The following RGS9 variants were observed in gnomAD, a reference collection of about 807,000 sequenced individuals.
RGS9 encodes the protein regulator of G protein signaling 9.
A neutral mutation model predicts 102.0 loss-of-function variants in RGS9; 78 were observed. That is an observed-to-expected ratio of 0.76 (90% CI 0.64 to 0.92). The LOEUF (loss-of-function observed/expected upper bound fraction) is 0.92, where lower values mean the gene tolerates loss of function less well. Ranked by LOEUF, RGS9 falls within the 40% of genes least tolerant of loss-of-function variation. RGS9 has a pLI of 0.00. For synonymous variants in RGS9, 353 were observed against 318.6 expected (o/e 1.11, Z -1.15); for missense variants, 833 against 866.1 (o/e 0.96, Z 0.48).
chr17:65,211,245 C>A (rs1050225548), intron 17 of RGS9, among the ~76,000 whole-genome samples: 1 of 152,170 alleles, frequency 6.6e-6, no homozygotes, highest in African/African-American at 2.4e-5. Context: ...TCTGAACTCC[C>A]CTGCTATGCC....
At chr17:65,201,914 CATT>C (rs1248411467) in intron 13 of RGS9, 76 bp from the exon 14 acceptor site, 1 of 966,180 alleles carries the variant, frequency 1.0e-6, no homozygotes, top group African/African-American at 1.6e-5. Flanking sequence ...CCGGTTGACT[CATT>C]TCTTTTATTT....
chr17:65,197,755 C>T (rs1479318480), intron 13 of RGS9, among the ~76,000 whole-genome samples: 2 of 151,540 alleles, frequency 1.3e-5, no homozygotes, highest in Non-Finnish European at 2.9e-5. Context: ...CTGCAACCTC[C>T]GCCTCCCTAG....
At chr17:65,226,403 G>A (rs554106841) in intron 18 of RGS9, among the ~76,000 whole-genome samples, 1 of 152,158 alleles carries the variant, frequency 6.6e-6, no homozygotes, top group Non-Finnish European at 1.5e-5. Context: ...TGTCGCTTAG[G>A]GGGAGAGGGA....
intron 17 of RGS9, among the ~76,000 whole-genome samples, chr17:65,214,679 G>C (rs978658467): frequency 1.3e-5 from 2 of 152,212 alleles, no homozygotes; most frequent in African/African-American, 4.8e-5. Context: ...CCAAGTAGGT[G>C]TCCTTATAAC....
At chr17:65,176,830 C>G (rs1035100179) in intron 8 of RGS9, among the ~76,000 whole-genome samples, 5 of 151,560 alleles carry the variant, frequency 3.3e-5, no homozygotes, top group African/African-American at 9.7e-5. Flanking sequence ...TTCATCCATG[C>G]ATCCATCCCT....
chr17:65,166,536 A>T (rs1033554007), intron 7 of RGS9, among the ~76,000 whole-genome samples: 1 of 152,258 alleles, frequency 6.6e-6, no homozygotes, highest in Admixed American at 6.5e-5. Context: ...ACATGAATGA[A>T]CGAATGAATG....
intron 8 of RGS9, 137 bp downstream of exon 8, chr17:65,168,418 G>C: frequency 1.4e-6 from 1 of 700,900 alleles, no homozygotes; most frequent in South Asian, 1.5e-5. Context: ...TCAGTGTTGG[G>C]TTAGCATCCA....
chr17:65,170,241 G>T (rs149793678), intron 8 of RGS9, among the ~76,000 whole-genome samples: 1,611 of 152,056 alleles, frequency 0.011, 35 homozygotes, highest in African/African-American at 0.036. Flanking sequence ...TTTTAGTAGA[G>T]ATGGGGTTTC....
At chr17:65,212,779 T>C (rs1272297058) in intron 17 of RGS9, among the ~76,000 whole-genome samples, 1 of 152,228 alleles carries the variant, frequency 6.6e-6, no homozygotes, top group African/African-American at 2.4e-5. Context: ...GGATATGCTT[T>C]GCTCATCTCT....
Position 65,180,200 on chromosome 17 carries a change from A to G in RGS9, c.654+2397A>G, listed in dbSNP as rs1367381447. 3.3e-5 allele frequency among the ~76,000 whole-genome samples: 5 copies of G among 152,056 alleles called. No homozygotes were observed. In the East Asian group the frequency reaches 9.7e-4, roughly 29 times the overall value. Reference sequence around the variant, plus strand: ...CCGGGTTAATCTGCCCTGAGAGAAGAGGGTTGCCAAGAGCATGAAGCATCT... The same window carrying G: ...CCGGGTTAATCTGCCCTGAGAGAAGGGGGTTGCCAAGAGCATGAAGCATCT... On this transcript the variant is annotated intron_variant, in intron 9 of 18. Transcript: ENST00000262406.
chr17:65,200,791 G>C (rs1360603437), intron 13 of RGS9, among the ~76,000 whole-genome samples: 1 of 152,014 alleles, frequency 6.6e-6, no homozygotes, highest in Admixed American at 6.6e-5. Context: ...AACTTGGGGG[G>C]ATTTGCAACA....
intron 2 of RGS9, among the ~76,000 whole-genome samples, chr17:65,157,122 A>G (rs1000836021): frequency 1.0e-4 from 14 of 135,924 alleles, no homozygotes; most frequent in African/African-American, 4.0e-4. Flanking sequence ...AATTATCCAG[A>G]CATAAGAACA....
intron 9 of RGS9, among the ~76,000 whole-genome samples, chr17:65,180,998 A>C (rs7211506): frequency 1.3e-5 from 2 of 152,152 alleles, no homozygotes; most frequent in South Asian, 4.1e-4. Flanking sequence ...TTATGGCTGC[A>C]TAGTATTCCA....
At chr17:65,174,744 A>G (rs76433418) in intron 8 of RGS9, among the ~76,000 whole-genome samples, 15 of 152,138 alleles carry the variant, frequency 9.9e-5, no homozygotes, top group African/African-American at 2.7e-4. Flanking sequence ...TTATAAAGAA[A>G]TACGCAAGAC....
chr17:65,158,187 A>G, intron 2 of RGS9, 108 bp from the exon 3 acceptor site: 4 of 1,009,538 alleles, frequency 4.0e-6, no homozygotes, highest in Non-Finnish European at 6.4e-6. Flanking sequence ...AGCGAAGAGG[A>G]ATGAAATCGC....
chr17:65,201,100 TACACACAC>T (rs113665578), intron 13 of RGS9, among the ~76,000 whole-genome samples: 1 of 148,640 alleles, frequency 6.7e-6, no homozygotes, highest in East Asian at 1.9e-4. Flanking sequence ...CTCCACGATT[TACACACAC>T]ACACACACAC....
Position 65,227,529 on chromosome 17 carries a change from T to C in RGS9, c.*122T>C. The C allele has an allele frequency of 7.4e-7, 1 of 1,354,600 alleles. No homozygotes were observed. Among genetic ancestry groups the C allele is most frequent in the East Asian group, 2.5e-5 (1 of 39,766 alleles). The allele number at this position is 1,354,600 out of a possible 1,614,324, so 83.9% of individuals were successfully genotyped here. On this transcript the variant is annotated 3_prime_UTR_variant, in exon 19 of 19. Transcript: ENST00000262406. ...GTGCATTTGGGTGACATTTGAAGAT[T>C]GGGGAGACAAGATGGGGTAGATTGT...
chr17:65,149,437 ACTGT>A (rs942406292), intron 1 of RGS9, among the ~76,000 whole-genome samples: 1 of 152,122 alleles, frequency 6.6e-6, no homozygotes, highest in African/African-American at 2.4e-5. Flanking sequence ...TTTTCATGTA[ACTGT>A]CTGCTCAACT....
At position 65,197,317 on chromosome 17, in the gene RGS9, T is replaced by TG. The variant is rs1482896014; in HGVS notation, c.976+80dup. The TG allele has an allele frequency of 5.1e-6, 5 of 989,466 alleles. No individual in the cohort carries two copies. In the East Asian group the frequency reaches 1.3e-4, roughly 26 times the overall value. The allele number at this position is 989,466 out of a possible 1,614,324, so 61.3% of individuals were successfully genotyped here. On this transcript the variant is annotated intron_variant, in intron 13 of 18. Coordinates refer to ENST00000262406, the MANE Select transcript of RGS9 (RefSeq NM_003835.4). ...GTCCTTTAATGTCTAGCCTAGGGTT[T>TG]GGGGAATTTCTCAGCAGATGTTTTC...
Sources: gnomAD v4.1 joint callset for allele counts (sites outside exome capture counted in the v4.1 genomes callset) on GRCh38, gnomAD v4.1.1 for gene constraint, MANE v1.5 for transcripts, NCBI Gene and HGNC (gene_info 2026-07-23, HGNC 2026-07-21) for gene names.